CD44: variants seen among roughly 807,000 people sequenced by gnomAD.
The protein encoded by CD44 is CD44 antigen.
A neutral mutation model predicts 88.8 loss-of-function variants in CD44; 49 were observed. That is an observed-to-expected ratio of 0.55 (90% CI 0.44 to 0.70). CD44 has a LOEUF of 0.70. CD44 is among the 30% of genes least tolerant of loss of function. CD44 has a pLI of 0.00. For missense variants in CD44, 883 were observed against 913.8 expected, an observed-to-expected ratio of 0.97 and a Z score of 0.43; for synonymous variants, 325 against 312.3, an observed-to-expected ratio of 1.04 and a Z score of -0.43.
intron 3 of CD44, among the ~76,000 whole-genome samples, chr11:35,181,713 A>C (rs1223073522): frequency 1.5e-5 from 2 of 131,364 alleles, no homozygotes; most frequent in Non-Finnish European, 3.1e-5. Context: ...TATATTTATA[A>C]ATATTTATTT....
At chr11:35,197,130 T>C (rs1946834043) in intron 6 of CD44, 1 of 290,648 alleles carries the variant, frequency 3.4e-6, no homozygotes, top group Non-Finnish European at 6.5e-6. Flanking sequence ...CGGGAATAAG[T>C]TTTTTTAACG....
chr11:35,160,091 G>A (rs1229715362), intron 1 of CD44, among the ~76,000 whole-genome samples: 3 of 152,202 alleles, frequency 2.0e-5, no homozygotes, highest in Non-Finnish European at 4.4e-5. Context: ...CCAGGTGGGG[G>A]ATGCCTCCCA....
chr11:35,215,024 T>A (rs1591306250), intron 15 of CD44, 110 bp downstream of exon 15: 1 of 549,302 alleles, frequency 1.8e-6, no homozygotes, highest in East Asian at 3.3e-5. Flanking sequence ...CAAACCTTCT[T>A]AGCATACATC....
At chr11:35,212,563 G>C in intron 14 of CD44, 1 of 151,876 alleles carries the variant, frequency 6.6e-6, no homozygotes, top group Non-Finnish European at 1.5e-5. Context: ...TGTGATGCAG[G>C]GACAGAAAAT....
At chr11:35,214,409 TA>T (rs1313805954) in intron 14 of CD44, among the ~76,000 whole-genome samples, 1 of 152,224 alleles carries the variant, frequency 6.6e-6, no homozygotes, top group Non-Finnish European at 1.5e-5. Context: ...TTTCATGCCC[TA>T]AGCCAGAGTA....
At chr11:35,198,804 C>T (rs946855357) in intron 7 of CD44, among the ~76,000 whole-genome samples, 4 of 151,964 alleles carry the variant, frequency 2.6e-5, no homozygotes, top group African/African-American at 9.7e-5. Flanking sequence ...CAGTGAAACC[C>T]CATCTCTACT....
intron 1 of CD44, among the ~76,000 whole-genome samples, chr11:35,155,007 G>C (rs930497986): frequency 2.0e-5 from 3 of 151,878 alleles, no homozygotes; most frequent in Admixed American, 6.6e-5. Context: ...ACAGTTCCAG[G>C]CATCCTAGGA....
At chr11:35,213,261 G>A (rs1220141294) in intron 14 of CD44, among the ~76,000 whole-genome samples, 1 of 152,096 alleles carries the variant, frequency 6.6e-6, no homozygotes, top group African/African-American at 2.4e-5. Flanking sequence ...ACAGTGGTAC[G>A]GACAGATTTT....
At chr11:35,185,651 C>A (rs1387516624) in intron 3 of CD44, among the ~76,000 whole-genome samples, 1 of 152,144 alleles carries the variant, frequency 6.6e-6, no homozygotes, top group East Asian at 1.9e-4. Context: ...AGGAGCAATT[C>A]TGGGAGAAAC....
chr11:35,211,534 T>C, intron 14 of CD44, 85 bp downstream of exon 14: 1 of 988,516 alleles, frequency 1.0e-6, no homozygotes, highest in Non-Finnish European at 1.6e-6. Context: ...ATTTTCTGTG[T>C]AGTCTGGGAT....
chr11:35,223,365 A>G, intron 17 of CD44: 2 of 785,748 alleles, frequency 2.5e-6, no homozygotes, highest in Non-Finnish European at 3.1e-6. Context: ...AGAATGCACC[A>G]CTTTTGCTCA....
At chr11:35,214,271 A>G (rs1351479464) in intron 14 of CD44, among the ~76,000 whole-genome samples, 1 of 152,154 alleles carries the variant, frequency 6.6e-6, no homozygotes, top group Non-Finnish European at 1.5e-5. Flanking sequence ...TCATCTCACC[A>G]TTTCCTTTTT....
chr11:35,187,013 C>T, intron 4 of CD44, 113 bp downstream of exon 4: 1 of 697,174 alleles, frequency 1.4e-6, no homozygotes, highest in East Asian at 2.8e-5. Context: ...TGGCTCACTC[C>T]TGTAATCCCA....
intron 5 of CD44, among the ~76,000 whole-genome samples, chr11:35,193,969 T>C (rs1480816578): frequency 6.6e-6 from 1 of 152,180 alleles, no homozygotes; most frequent in Non-Finnish European, 1.5e-5. Flanking sequence ...ATGCCAGTTG[T>C]CATCACAAAC....
intron 1 of CD44, 38 bp downstream of exon 1, chr11:35,139,408 C>A: frequency 6.5e-7 from 1 of 1,539,288 alleles, no homozygotes; most frequent in Non-Finnish European, 8.8e-7. Flanking sequence ...AAGATGGGTG[C>A]GGGGTGCTCA....
intron 5 of CD44, among the ~76,000 whole-genome samples, chr11:35,191,328 G>A (rs190954235): frequency 6.6e-6 from 1 of 152,280 alleles, no homozygotes; most frequent in East Asian, 1.9e-4. Context: ...ATACAAATAG[G>A]CTTGGGGTTC....
intron 5 of CD44, among the ~76,000 whole-genome samples, chr11:35,192,790 C>CTTTTT (rs35505196): frequency 1.2e-4 from 13 of 109,564 alleles, no homozygotes; most frequent in African/African-American, 2.2e-4. Context: ...GGAATTCTTT[C>CTTTTT]TTTTTTTTTT....
At chr11:35,204,090 T>C (rs1321298523) in intron 9 of CD44, among the ~76,000 whole-genome samples, 1 of 152,228 alleles carries the variant, frequency 6.6e-6, no homozygotes, top group East Asian at 1.9e-4. Context: ...GGTCTCCTAA[T>C]GTGCTGATCT....
chr11:35,211,501 T>C (rs1353884278), intron 14 of CD44, 52 bp downstream of exon 14: 1 of 1,301,964 alleles, frequency 7.7e-7, no homozygotes, highest in Admixed American at 1.7e-5. Flanking sequence ...AGAAACAATA[T>C]ATAGTTTCAT....
Sources: allele counts gnomAD v4.1 joint callset (sites outside exome capture counted in the v4.1 genomes callset), GRCh38; gene constraint gnomAD v4.1.1; transcripts MANE v1.5; gene names NCBI Gene and HGNC (gene_info 2026-07-23, HGNC 2026-07-21).